TBC1D4: variants seen among roughly 807,000 people sequenced by gnomAD.
TBC1D4 encodes the protein TBC1 domain family member 4.
Under a neutral mutation model 142.5 loss-of-function variants are expected in TBC1D4, and 121 were observed. The observed-to-expected ratio is 0.85, with a 90% CI of 0.73 to 0.99. The LOEUF (loss-of-function observed/expected upper bound fraction) is 0.99, where lower values mean the gene tolerates loss of function less well. TBC1D4 is among the 50% of genes least tolerant of loss of function. The pLI is 0.00. For missense variants in TBC1D4, 1,475 were observed against 1,606.6 expected (o/e 0.92, Z 1.40); for synonymous variants, 630 against 628.2 (o/e 1.00, Z -0.04).
intron 17 of TBC1D4, 147 bp downstream of exon 17, chr13:75,299,183 A>T: frequency 7.2e-7 from 1 of 1,385,348 alleles, no homozygotes; most frequent in Non-Finnish European, 9.9e-7. Flanking sequence ...ATCCCACACT[A>T]AGTGAACTAA....
intron 15 of TBC1D4, among the ~76,000 whole-genome samples, chr13:75,303,560 T>C (rs1223080423): frequency 6.6e-6 from 1 of 152,158 alleles, no homozygotes; most frequent in Non-Finnish European, 1.5e-5. Flanking sequence ...GCAGGCAACT[T>C]TATTTCACTC....
intron 1 of TBC1D4, among the ~76,000 whole-genome samples, chr13:75,364,012 G>A (rs919183873): frequency 2.6e-5 from 4 of 152,292 alleles, no homozygotes; most frequent in South Asian, 2.1e-4. Flanking sequence ...AGGGAGACAT[G>A]AGACATCAAT....
intron 1 of TBC1D4, among the ~76,000 whole-genome samples, chr13:75,384,137 T>C (rs901649488): frequency 6.6e-6 from 1 of 152,034 alleles, no homozygotes; most frequent in Non-Finnish European, 1.5e-5. Flanking sequence ...AAAACTTATC[T>C]CCAGGCCAGG....
chr13:75,329,777 T>C (rs1389689674), intron 8 of TBC1D4, among the ~76,000 whole-genome samples: 1 of 152,256 alleles, frequency 6.6e-6, no homozygotes, highest in African/African-American at 2.4e-5. Context: ...ATAGTTCGGC[T>C]GGATATCGTA....
chr13:75,418,913 T>C (rs1420451540), intron 1 of TBC1D4, among the ~76,000 whole-genome samples: 3 of 152,218 alleles, frequency 2.0e-5, no homozygotes, highest in Non-Finnish European at 4.4e-5. Context: ...TAAAGGTGGA[T>C]TGAAGACTGG....
chr13:75,399,288 A>G (rs1884960550), intron 1 of TBC1D4, among the ~76,000 whole-genome samples: 1 of 152,202 alleles, frequency 6.6e-6, no homozygotes, highest in South Asian at 2.1e-4. Context: ...GGAGCCAAAA[A>G]TCACAGAAAA....
At chr13:75,432,680 T>G (rs1886639897) in intron 1 of TBC1D4, among the ~76,000 whole-genome samples, 1 of 152,100 alleles carries the variant, frequency 6.6e-6, no homozygotes, top group African/African-American at 2.4e-5. Flanking sequence ...AGAAAGGAAC[T>G]AATATTTTCA....
chr13:75,450,291 CCAGAGG>C (rs1887482804), intron 1 of TBC1D4, among the ~76,000 whole-genome samples: 1 of 152,148 alleles, frequency 6.6e-6, no homozygotes, highest in Admixed American at 6.6e-5. Context: ...CCGTTTTCCT[CCAGAGG>C]TGTACTTCAT....
In TBC1D4 at chr13:75,390,288, A is replaced by AAAAC. The variant is rs1164298291; in HGVS notation, c.499-27682_499-27681insGTTT. On this transcript the variant is annotated intron_variant, in intron 1 of 20. Coordinates refer to ENST00000377636, the MANE Select transcript of TBC1D4 (RefSeq NM_014832.5). ...GAGAGAGACTCCGTCAAAAAAAAAA[A>AAAAC]AAAAAACAGGAGAAAGAAAAGAAAA... Among the ~76,000 whole-genome samples the AAAAC allele has an allele frequency of 9.2e-5, 14 of 151,512 alleles. 1 individual carries two copies. The South Asian group carries it at 2.9e-3, about 32-fold the overall frequency.
At chr13:75,357,333 A>C (rs1172062815) in intron 3 of TBC1D4, among the ~76,000 whole-genome samples, 1 of 152,212 alleles carries the variant, frequency 6.6e-6, no homozygotes, top group Admixed American at 6.5e-5. Context: ...AAAGTAAGCA[A>C]TCCGTATGGA....
intron 1 of TBC1D4, 56 bp downstream of exon 1, chr13:75,481,214 G>GGGA: frequency 1.9e-6 from 2 of 1,029,750 alleles, no homozygotes; most frequent in Non-Finnish European, 2.8e-6. Context: ...CTCCCGCCCT[G>GGGA]CTCCCCGATC....
chr13:75,321,445 A>G (rs2137985846), intron 11 of TBC1D4, among the ~76,000 whole-genome samples: 1 of 152,102 alleles, frequency 6.6e-6, no homozygotes, highest in Admixed American at 6.5e-5. Flanking sequence ...ATATATGTAT[A>G]TATATATGTA....
intron 1 of TBC1D4, among the ~76,000 whole-genome samples, chr13:75,457,002 A>G (rs562263595): frequency 2.0e-5 from 3 of 152,028 alleles, no homozygotes; most frequent in Non-Finnish European, 4.4e-5. Flanking sequence ...TTCAGACACA[A>G]TGTTGAGTAA....
At chr13:75,404,500 G>A (rs2138365622) in intron 1 of TBC1D4, among the ~76,000 whole-genome samples, 1 of 152,150 alleles carries the variant, frequency 6.6e-6, no homozygotes, top group East Asian at 1.9e-4. Flanking sequence ...AGTTTTGAGG[G>A]GTTCTCAAGA....
chr13:75,327,927 T>C (rs1879417126), intron 8 of TBC1D4, 101 bp from the exon 9 acceptor site: 7 of 1,179,136 alleles, frequency 5.9e-6, no homozygotes, highest in Non-Finnish European at 8.8e-6. Flanking sequence ...TAGCATTAAA[T>C]TGATCATTTT....
At chr13:75,395,466 C>A (rs1271178239) in intron 1 of TBC1D4, among the ~76,000 whole-genome samples, 1 of 152,144 alleles carries the variant, frequency 6.6e-6, no homozygotes, top group Non-Finnish European at 1.5e-5. Flanking sequence ...TATAAAGATT[C>A]CTGGTATTTC....
Position 75,341,581 on chromosome 13 carries a change from T to C in TBC1D4, c.1415A>G (p.Tyr472Cys). The C allele has an allele frequency of 2.5e-6, 4 of 1,613,740 alleles. No homozygotes were observed. The highest frequency in any genetic ancestry group is 3.4e-6 in the Non-Finnish European group (4 of 1,179,728). ...TATCACCAGCTTGGCTCTTGGTGGG[T>C]AGAGACCTAAGGAAAATGATGAGGG... The part of the protein sequence containing the change: ...HKLCERIEGL[Y>C]PPRAKLVIQR... Residue 472 changes from tyrosine (Y) to cysteine (C), a missense_variant, in exon 6 of 21, where the codon TAC becomes TGC. Physicochemically the swap from Tyr to Cys is radical, Grantham distance 194. This residue lies in a region of TBC1D4 where 1,227 missense variants were observed against 1,267.7 expected (regional missense o/e 0.97). Coordinates refer to ENST00000377636, the MANE Select transcript of TBC1D4 (RefSeq NM_014832.5).
intron 12 of TBC1D4, among the ~76,000 whole-genome samples, chr13:75,314,990 T>C (rs1878154673): frequency 6.8e-6 from 1 of 146,668 alleles, no homozygotes; most frequent in African/African-American, 2.5e-5. Flanking sequence ...AAAATAAAAT[T>C]ATAATTAAAT....
chr13:75,385,831 T>C (rs930336375), intron 1 of TBC1D4, among the ~76,000 whole-genome samples: 1 of 152,178 alleles, frequency 6.6e-6, no homozygotes, highest in African/African-American at 2.4e-5. Flanking sequence ...AACCCACTCA[T>C]AAAATCATGT....
Sources: allele counts gnomAD v4.1 joint callset (sites outside exome capture counted in the v4.1 genomes callset), GRCh38; gene constraint gnomAD v4.1.1; regional missense constraint gnomAD v4.1.1; transcripts MANE v1.5; gene names NCBI Gene and HGNC (gene_info 2026-07-23, HGNC 2026-07-21).